The following BRD10 variants were observed in gnomAD, a reference collection of about 807,000 sequenced individuals.
BRD10 encodes uncharacterized bromodomain-containing protein 10.
At chr9:5,947,178 G>C in the BRD10 span, among the ~76,000 whole-genome samples, 1 of 152,128 alleles carries the variant, frequency 6.6e-6, no homozygotes, top group Non-Finnish European at 1.5e-5. Context: ...TATCTAGTTA[G>C]TAAACTGTAC....
chr9:5,916,999 G>A, the BRD10 span, among the ~76,000 whole-genome samples: 4 of 152,106 alleles, frequency 2.6e-5, no homozygotes, highest in Non-Finnish European at 5.9e-5. Flanking sequence ...TCCATTAATC[G>A]AATTTCTAGT....
the BRD10 span, chr9:5,914,161 G>A: frequency 5.1e-6 from 2 of 391,374 alleles, no homozygotes; most frequent in South Asian, 2.0e-5. Context: ...CACGTGCAGG[G>A]GATCCCATGC....
chr9:5,988,326 T>G, the BRD10 span: 1 of 1,586,896 alleles, frequency 6.3e-7, no homozygotes, highest in Non-Finnish European at 8.6e-7. Context: ...AAATTATGAA[T>G]TTTTTTCTTA....
the BRD10 span, among the ~76,000 whole-genome samples, chr9:5,896,467 G>A: frequency 6.6e-6 from 1 of 152,186 alleles, no homozygotes; most frequent in Non-Finnish European, 1.5e-5. Context: ...GGATAAGCTT[G>A]ATGTCTCCTC....
the BRD10 span, among the ~76,000 whole-genome samples, chr9:5,976,844 T>A: frequency 2.0e-5 from 3 of 152,080 alleles, no homozygotes; most frequent in African/African-American, 7.2e-5. Flanking sequence ...AAATACATTT[T>A]GTTCTGACAG....
chr9:6,003,229 TG>T, the BRD10 span, among the ~76,000 whole-genome samples: 5 of 152,236 alleles, frequency 3.3e-5, no homozygotes, highest in Non-Finnish European at 7.3e-5. Context: ...TTAGTGTCAC[TG>T]GTGATGCATC....
At chr9:5,965,767 G>C in the BRD10 span, among the ~76,000 whole-genome samples, 3 of 152,170 alleles carry the variant, frequency 2.0e-5, no homozygotes, top group African/African-American at 7.2e-5. Flanking sequence ...TATGATGATG[G>C]AGCTCACTTT....
chr9:5,950,946 C>G, the BRD10 span, among the ~76,000 whole-genome samples: 1 of 151,610 alleles, frequency 6.6e-6, no homozygotes, highest in African/African-American at 2.4e-5. Flanking sequence ...AAAATCAGTA[C>G]ATGTTTAGTA....
the BRD10 span, among the ~76,000 whole-genome samples, chr9:6,004,897 G>A: frequency 6.6e-6 from 1 of 152,184 alleles, no homozygotes; most frequent in African/African-American, 2.4e-5. Context: ...GTATCCACAA[G>A]TGTGGTCTCG....
the BRD10 span, among the ~76,000 whole-genome samples, chr9:5,904,925 T>C: frequency 1.3e-5 from 2 of 152,020 alleles, no homozygotes; most frequent in South Asian, 4.2e-4. Flanking sequence ...AGGTGCCCGC[T>C]ACCATGCCTG....
chr9:5,902,672 T>C, the BRD10 span, among the ~76,000 whole-genome samples: 1 of 151,700 alleles, frequency 6.6e-6, no homozygotes, highest in Admixed American at 6.6e-5. Flanking sequence ...AATTTTCTTT[T>C]TTTTTTTTTT....
At chr9:5,900,568 C>T in the BRD10 span, among the ~76,000 whole-genome samples, 1 of 152,114 alleles carries the variant, frequency 6.6e-6, no homozygotes, top group South Asian at 2.1e-4. Flanking sequence ...ATGTAAATGA[C>T]ATTAAATATG....
the BRD10 span, among the ~76,000 whole-genome samples, chr9:5,931,296 G>A: frequency 4.0e-4 from 61 of 152,192 alleles, no homozygotes; most frequent in Admixed American, 1.2e-3. Flanking sequence ...AGGATGGGGA[G>A]ACTGGGTAGC....
At chr9:5,993,324 A>AAAAC in the BRD10 span, among the ~76,000 whole-genome samples, 2 of 150,934 alleles carry the variant, frequency 1.3e-5, no homozygotes, top group Admixed American at 6.6e-5. Context: ...AAAAAAAAAA[A>AAAAC]AAAAAAAAAA....
At chr9:5,989,408 G>C in the BRD10 span, among the ~76,000 whole-genome samples, 6 of 147,350 alleles carry the variant, frequency 4.1e-5, no homozygotes, top group Non-Finnish European at 8.9e-5. Context: ...TCCAGCCTGG[G>C]TGACAGAGTT....
chr9:5,930,132 G>A, the BRD10 span, among the ~76,000 whole-genome samples: 16 of 134,122 alleles, frequency 1.2e-4, no homozygotes, highest in East Asian at 2.7e-3. Context: ...TTTTTTTTTT[G>A]TAATGGCTTT....
chr9:5,921,066 CCA>C, the BRD10 span: 1 of 1,613,918 alleles, frequency 6.2e-7, no homozygotes, highest in Non-Finnish European at 8.5e-7. Flanking sequence ...GCTGAAGAAA[CCA>C]CTGATTCATT....
the BRD10 span, among the ~76,000 whole-genome samples, chr9:5,928,431 C>T: frequency 3.7e-4 from 57 of 152,292 alleles, no homozygotes; most frequent in Non-Finnish European, 5.7e-4. Flanking sequence ...TGGCTTCTCA[C>T]CTAACTCAGT....
At chr9:5,907,029 C>A in the BRD10 span, 2 of 1,379,884 alleles carry the variant, frequency 1.4e-6, no homozygotes, top group Non-Finnish European at 2.0e-6. Context: ...AGGGTATTTT[C>A]ATGAATGGCT....
Sources: gnomAD v4.1 joint callset for allele counts (sites outside exome capture counted in the v4.1 genomes callset) on GRCh38, gnomAD v4.1.1 for gene constraint, MANE v1.5 for transcripts, NCBI Gene and HGNC (gene_info 2026-07-23, HGNC 2026-07-21) for gene names.